HMGB1: variants seen among roughly 807,000 people sequenced by gnomAD.
HMGB1 encodes high mobility group protein B1.
For missense variants in HMGB1, 79 were observed against 253.5 expected (o/e 0.31, Z 4.67); for synonymous variants, 81 against 84.0 (o/e 0.96, Z 0.19).
At chr13:30,543,668 G>C (rs1429994723) in intron 1 of HMGB1, among the ~76,000 whole-genome samples, 1 of 152,186 alleles carries the variant, frequency 6.6e-6, no homozygotes, top group Non-Finnish European at 1.5e-5. Context: ...ATACCAGGGA[G>C]AGGGTGTGTC....
At chr13:30,473,689 G>A (rs1003495543) in intron 1 of HMGB1, among the ~76,000 whole-genome samples, 1 of 152,172 alleles carries the variant, frequency 6.6e-6, no homozygotes, top group African/African-American at 2.4e-5. Context: ...TGGAAAACAA[G>A]CTGACAGTTC....
intron 1 of HMGB1, among the ~76,000 whole-genome samples, chr13:30,507,385 A>T (rs1887892610): frequency 6.6e-6 from 1 of 152,230 alleles, no homozygotes; most frequent in Non-Finnish European, 1.5e-5. Context: ...GGACTGGAAG[A>T]TTCCTAGGAG....
chr13:30,591,641 T>C (rs1411151609), intron 1 of HMGB1, among the ~76,000 whole-genome samples: 5 of 151,880 alleles, frequency 3.3e-5, no homozygotes, highest in South Asian at 2.1e-4. Context: ...TCCTGAGTGG[T>C]TGGGACCACA....
At chr13:30,481,734 A>G (rs17074647) in intron 1 of HMGB1, among the ~76,000 whole-genome samples, 6,328 of 152,308 alleles carry the variant, frequency 0.042, 319 homozygotes, top group African/African-American at 0.12. Flanking sequence ...CTAGTTATCC[A>G]AGGCTGGTGC....
intron 1 of HMGB1, among the ~76,000 whole-genome samples, chr13:30,553,214 C>T (rs77187977): frequency 0.023 from 3,501 of 152,156 alleles, 110 homozygotes; most frequent in Non-Finnish European, 0.027. Flanking sequence ...TCTCTCCTTC[C>T]GGGGGGTCAT....
At position 30,571,229 on chromosome 13, in the gene HMGB1, T is replaced by C. The variant is rs78875381; in HGVS notation, c.-15+45442A>G. Among the ~76,000 whole-genome samples the C allele has an allele frequency of 1.2e-3, 188 of 152,226 alleles. 2 individuals carry two copies. Among genetic ancestry groups the C allele is most frequent in the African/African-American group, 4.3e-3 (177 of 41,548 alleles). ...TAAGACAAGAAACAATGTAGAAAGTTTGACAACTTAAAAAAGTAATATGAG... is the reference window on the plus strand; with the variant it reads ...TAAGACAAGAAACAATGTAGAAAGTCTGACAACTTAAAAAAGTAATATGAG... On this transcript the variant is annotated intron_variant, in intron 1 of 4. Transcript: ENST00000405805.
chr13:30,490,845 C>T (rs1032371660), intron 1 of HMGB1, among the ~76,000 whole-genome samples: 3 of 151,894 alleles, frequency 2.0e-5, no homozygotes, highest in African/African-American at 2.4e-5. Flanking sequence ...TTCCTGAAGA[C>T]GTGCTTTTCT....
At chr13:30,479,276 T>A (rs942709224) in intron 1 of HMGB1, among the ~76,000 whole-genome samples, 1 of 152,206 alleles carries the variant, frequency 6.6e-6, no homozygotes, top group Non-Finnish European at 1.5e-5. Flanking sequence ...AGTGACCAAC[T>A]CTTCTTAGAG....
At chr13:30,562,576 T>C (rs1870008972) in intron 1 of HMGB1, among the ~76,000 whole-genome samples, 1 of 152,184 alleles carries the variant, frequency 6.6e-6, no homozygotes, top group Admixed American at 6.5e-5. Context: ...ACAATAAATA[T>C]TTCTCAAGAA....
chr13:30,568,335 C>T (rs1207418341), intron 1 of HMGB1, among the ~76,000 whole-genome samples: 1 of 152,020 alleles, frequency 6.6e-6, no homozygotes. Context: ...ATTGAGACCC[C>T]CGTCTCTATA....
At chr13:30,489,676 T>G (rs1887439293) in intron 1 of HMGB1, among the ~76,000 whole-genome samples, 1 of 152,026 alleles carries the variant, frequency 6.6e-6, no homozygotes, top group Non-Finnish European at 1.5e-5. Context: ...CACTTCTGAA[T>G]GCATGTTCTT....
rs1157359345 is a variant in HMGB1 at position 30,475,211 on chromosome 13, G to GTC, written c.-14-11519_-14-11518dup. 2.6e-4 allele frequency among the ~76,000 whole-genome samples: 21 copies of GTC among 79,530 alleles called. 1 individual carries two copies. The highest frequency in any genetic ancestry group is 0.026 in the Middle Eastern group (2 of 76). 52.2% of individuals were successfully genotyped at this position (79,530 alleles called of 152,430 possible). A position where few individuals can be genotyped will look rare whatever the true frequency, so the allele number is the denominator to read the frequency against. ...TGCAGTGATGCGACTTCAGCTCACT[G>GTC]TCTCTCTCTCTCTCTTTTTTTTTTT... is the stretch of plus-strand genomic sequence containing the variant. On this transcript the variant is annotated intron_variant, in intron 1 of 4. Transcript: ENST00000405805.
At chr13:30,503,526 G>A (rs1185002538) in intron 1 of HMGB1, among the ~76,000 whole-genome samples, 2 of 151,682 alleles carry the variant, frequency 1.3e-5, no homozygotes, top group African/African-American at 2.4e-5. Context: ...TTATGGATAA[G>A]GTTCCTCTTC....
chr13:30,487,454 CTT>C (rs1887390017), intron 1 of HMGB1, among the ~76,000 whole-genome samples: 1 of 152,214 alleles, frequency 6.6e-6, no homozygotes, highest in South Asian at 2.1e-4. Context: ...TTCTGGGACT[CTT>C]TTGCATTTAT....
At chr13:30,503,465 A>C (rs1348279963) in intron 1 of HMGB1, among the ~76,000 whole-genome samples, 2 of 145,290 alleles carry the variant, frequency 1.4e-5, no homozygotes, top group Non-Finnish European at 3.1e-5. Flanking sequence ...TAATAAAATA[A>C]ATCATTTTAT....
chr13:30,457,530 CAT>C lies in HMGB1; in HGVS notation c.*3825_*3826del, dbSNP rs1886040927. ...CAGATTTGGAGACCAACCTGGGCAA[CAT>C]AGAGATTCTATGTAATCTCTCATGT... On this transcript the variant is annotated 3_prime_UTR_variant, in exon 5 of 5. Transcript: ENST00000341423. 1 of 152,170 alleles carries C rather than the reference CAT, an allele frequency of 6.6e-6. No individual in the cohort carries two copies. The highest frequency in any genetic ancestry group is 2.4e-5 in the African/African-American group (1 of 41,432). The allele number at this position is 152,170 out of a possible 1,614,324, so 9.4% of individuals were successfully genotyped here.
chr13:30,484,362 G>C (rs1296501105), intron 1 of HMGB1, among the ~76,000 whole-genome samples: 1 of 152,202 alleles, frequency 6.6e-6, no homozygotes, highest in Non-Finnish European at 1.5e-5. Flanking sequence ...GTGGGGGAAA[G>C]TAATGAAGGA....
intron 1 of HMGB1, among the ~76,000 whole-genome samples, chr13:30,548,280 C>T (rs1010036647): frequency 1.3e-5 from 2 of 152,208 alleles, no homozygotes; most frequent in Non-Finnish European, 2.9e-5. Flanking sequence ...TGCTTTTGCT[C>T]GGCACTTCTC....
At chr13:30,517,743 G>A (rs377239289) in intron 1 of HMGB1, among the ~76,000 whole-genome samples, 2 of 152,322 alleles carry the variant, frequency 1.3e-5, no homozygotes, top group Non-Finnish European at 1.5e-5. Context: ...TGTAGGTTAT[G>A]CTTGTTCTGG....
Sources: gnomAD v4.1 joint callset for allele counts (sites outside exome capture counted in the v4.1 genomes callset) on GRCh38, gnomAD v4.1.1 for gene constraint, MANE v1.5 for transcripts, NCBI Gene and HGNC (gene_info 2026-07-23, HGNC 2026-07-21) for gene names.